SVIL: variants seen among roughly 807,000 people sequenced by gnomAD.
SVIL encodes supervillin, also known as archvillin.
In SVIL, 101 loss-of-function variants were observed where a neutral mutation model predicts 240.4. The ratio of observed to expected loss-of-function variants is 0.42; its 90% CI spans 0.36 to 0.50. The LOEUF is 0.50. SVIL is among the 20% of genes least tolerant of loss of function. SVIL has a pLI of 0.01. For synonymous variants in SVIL, 999 were observed against 1,100.0 expected, an observed-to-expected ratio of 0.91 and a Z score of 1.82; for missense variants, 2,512 against 2,818.7, an observed-to-expected ratio of 0.89 and a Z score of 2.46.
At chr10:29,626,473 G>A (rs1957874590) in intron 1 of SVIL, among the ~76,000 whole-genome samples, 1 of 152,134 alleles carries the variant, frequency 6.6e-6, no homozygotes, top group Non-Finnish European at 1.5e-5. Flanking sequence ...ATGAATACCT[G>A]GCAGTGAACT....
intron 1 of SVIL, among the ~76,000 whole-genome samples, chr10:29,587,257 A>T (rs1956208562): frequency 6.6e-6 from 1 of 152,238 alleles, no homozygotes; most frequent in Non-Finnish European, 1.5e-5. Flanking sequence ...ACTATCATTA[A>T]TAGAACAGTA....
chr10:29,642,396 AC>A (rs2132983317), intron 3 of SVIL, among the ~76,000 whole-genome samples: 1 of 149,276 alleles, frequency 6.7e-6, no homozygotes. Context: ...TGCCTCAAAA[AC>A]AGAAAGAAAG....
intron 1 of SVIL, among the ~76,000 whole-genome samples, chr10:29,594,999 G>T (rs1397953477): frequency 6.6e-6 from 1 of 152,238 alleles, no homozygotes; most frequent in Non-Finnish European, 1.5e-5. Flanking sequence ...GGGAAGAGAT[G>T]CTGGTCCTGG....
At chr10:29,649,332 A>G (rs532723010) in intron 3 of SVIL, among the ~76,000 whole-genome samples, 2 of 152,316 alleles carry the variant, frequency 1.3e-5, no homozygotes, top group African/African-American at 4.8e-5. Context: ...TCAATGTTTT[A>G]TGAAAGTAAT....
At chr10:29,641,482 C>T (rs555075028) in intron 3 of SVIL, among the ~76,000 whole-genome samples, 10 of 152,150 alleles carry the variant, frequency 6.6e-5, no homozygotes, top group African/African-American at 2.2e-4. Flanking sequence ...GCAAGAGAAT[C>T]GCTTGAACCC....
At chr10:29,490,167 G>GC (rs1450021608) in intron 22 of SVIL, among the ~76,000 whole-genome samples, 11 of 151,912 alleles carry the variant, frequency 7.2e-5, no homozygotes, top group Non-Finnish European at 1.3e-4. Flanking sequence ...GCTCCCTCCA[G>GC]CCCACATCCC....
chr10:29,520,786 C>T (rs10400102), intron 16 of SVIL, among the ~76,000 whole-genome samples: 4 of 151,350 alleles, frequency 2.6e-5, no homozygotes, highest in Middle Eastern at 6.8e-3. Flanking sequence ...CATGGTGGTA[C>T]GTGTCTGCAG....
intron 1 of SVIL, among the ~76,000 whole-genome samples, chr10:29,603,910 A>G (rs1956908840): frequency 6.6e-6 from 1 of 152,242 alleles, no homozygotes; most frequent in Admixed American, 6.5e-5. Flanking sequence ...ATAAGCCCAC[A>G]GTACAGTCTT....
At chr10:29,630,154 G>A (rs1369722814) in intron 1 of SVIL, among the ~76,000 whole-genome samples, 1 of 151,984 alleles carries the variant, frequency 6.6e-6, no homozygotes, top group Non-Finnish European at 1.5e-5. Context: ...CCAATGAGAG[G>A]GAATACGCTA....
chr10:29,522,305 G>A (rs1950609004), intron 16 of SVIL, 105 bp downstream of exon 16: 6 of 1,101,944 alleles, frequency 5.4e-6, no homozygotes, highest in Non-Finnish European at 7.9e-6. Context: ...GTTAGAAGCT[G>A]AATGTATGAT....
chr10:29,465,076 G>C (rs1651909330), intron 34 of SVIL, among the ~76,000 whole-genome samples: 1 of 152,200 alleles, frequency 6.6e-6, no homozygotes, highest in African/African-American at 2.4e-5. Context: ...TGCAGCTGGG[G>C]CTGGCCATGT....
intron 1 of SVIL, among the ~76,000 whole-genome samples, chr10:29,689,484 C>G (rs1383632837): frequency 1.3e-5 from 2 of 152,180 alleles, no homozygotes; most frequent in African/African-American, 4.8e-5. Context: ...TGGGGTTTCA[C>G]TATATTGGCC....
At chr10:29,658,959 A>AT (rs1390052675) in intron 2 of SVIL, among the ~76,000 whole-genome samples, 1 of 152,200 alleles carries the variant, frequency 6.6e-6, no homozygotes, top group African/African-American at 2.4e-5. Context: ...AGGGTGAGTG[A>AT]TTTGGCTATG....
chr10:29,515,439 T>G (rs1950143133), intron 16 of SVIL, among the ~76,000 whole-genome samples: 1 of 152,254 alleles, frequency 6.6e-6, no homozygotes, highest in Non-Finnish European at 1.5e-5. Context: ...CATATTTGCA[T>G]GCTGTATTTG....
intron 17 of SVIL, among the ~76,000 whole-genome samples, chr10:29,510,568 G>A (rs562909624): frequency 0.012 from 1,842 of 151,756 alleles, 13 homozygotes; most frequent in African/African-American, 0.043. Flanking sequence ...TGACCATAAC[G>A]CCGGCTCCTT....
At chr10:29,499,706 A>T (rs144858235) in intron 17 of SVIL, among the ~76,000 whole-genome samples, 2,364 of 152,330 alleles carry the variant, frequency 0.016, 57 homozygotes, top group African/African-American at 0.053. Flanking sequence ...ATGTGAGCAC[A>T]CAAGGAACTT....
intron 1 of SVIL, among the ~76,000 whole-genome samples, chr10:29,686,969 AT>A (rs1206349148): frequency 1.3e-5 from 2 of 152,210 alleles, no homozygotes; most frequent in Non-Finnish European, 2.9e-5. Flanking sequence ...ATTTAAAAAA[AT>A]CTCAAGACCC....
intron 2 of SVIL, among the ~76,000 whole-genome samples, chr10:29,685,951 T>C (rs1454126459): frequency 1.3e-5 from 2 of 152,244 alleles, no homozygotes; most frequent in Non-Finnish European, 2.9e-5. Flanking sequence ...AGGCAACCCA[T>C]TCATTAGTCA....
At chr10:29,536,911 C>CAAAAAAAAAAAAAAAAAAA (rs59133069) in intron 6 of SVIL, among the ~76,000 whole-genome samples, 1 of 89,874 alleles carries the variant, frequency 1.1e-5, no homozygotes, top group Non-Finnish European at 2.0e-5. Context: ...GACTCTGTCA[C>CAAAAAAAAAAAAAAAAAAA]AAAAAAAAAA....
Sources: allele counts gnomAD v4.1 joint callset (sites outside exome capture counted in the v4.1 genomes callset), GRCh38; gene constraint gnomAD v4.1.1; transcripts MANE v1.5; gene names NCBI Gene and HGNC (gene_info 2026-07-23, HGNC 2026-07-21).